The following ITIH2 variants were observed in gnomAD, a reference collection of about 807,000 sequenced individuals.
ITIH2 encodes inter-alpha-trypsin inhibitor heavy chain 2.
Under a neutral mutation model 104.4 loss-of-function variants are expected in ITIH2, and 103 were observed. The observed-to-expected ratio is 0.99, with a 90% CI of 0.84 to 1.16. ITIH2 has a LOEUF of 1.16. Among genes scored for constraint, ITIH2 ranks in the 50% most tolerant of loss-of-function variants. ITIH2 has a pLI of 0.00. For synonymous variants in ITIH2, 436 were observed against 435.4 expected (o/e 1.00, Z -0.02); for missense variants, 1,108 against 1,162.4 (o/e 0.95, Z 0.68).
chr10:7,722,052 T>G (rs528325675), intron 8 of ITIH2, among the ~76,000 whole-genome samples: 1 of 152,246 alleles, frequency 6.6e-6, no homozygotes, highest in East Asian at 1.9e-4. Flanking sequence ...ACAGGAATTT[T>G]AAATAGGCTC....
At chr10:7,738,504 G>T in intron 15 of ITIH2, 117 bp from the exon 16 acceptor site, 1 of 1,156,976 alleles carries the variant, frequency 8.6e-7, no homozygotes, top group African/African-American at 1.5e-5. Context: ...TAAAAACAGA[G>T]GAGAAAAACC....
rs1834861812 is a variant in ITIH2 at position 7,717,571 on chromosome 10, G to A, written c.468-55G>A. 8 of 1,550,424 alleles carry A rather than the reference G, an allele frequency of 5.2e-6. No individual in the cohort carries two copies. In the Admixed American group the frequency reaches 1.2e-4, roughly 23 times the overall value. On this transcript the variant is annotated intron_variant, in intron 5 of 20. Transcript: ENST00000358415. ...TACATGCCCTCTGCCTAGATTCTGG[G>A]TCTTGCTGCTCAATCATGTATCTGT...
chr10:7,717,016 C>T (rs12255319), intron 5 of ITIH2, among the ~76,000 whole-genome samples: 2,000 of 150,406 alleles, frequency 0.013, 45 homozygotes, highest in African/African-American at 0.045. Flanking sequence ...GGCGTGATCT[C>T]GGCTCAACGC....
At chr10:7,722,983 C>CGTGGAGTGGAGTGGCGTGAAGTCGG (rs1204713577) in intron 8 of ITIH2, among the ~76,000 whole-genome samples, 3 of 149,106 alleles carry the variant, frequency 2.0e-5, no homozygotes, top group Non-Finnish European at 4.5e-5. Context: ...AGTGAAGTGG[C>CGTGGAGTGGAGTGGCGTGAAGTCGG]GTGGAGTGGA....
intron 16 of ITIH2, among the ~76,000 whole-genome samples, chr10:7,739,563 A>G (rs977806593): frequency 2.6e-5 from 4 of 152,178 alleles, no homozygotes; most frequent in Non-Finnish European, 4.4e-5. Flanking sequence ...ATGTTGTAGC[A>G]GAGAAAACTT....
chr10:7,738,973 T>TA (rs1201934407), intron 16 of ITIH2, among the ~76,000 whole-genome samples: 1 of 152,168 alleles, frequency 6.6e-6, no homozygotes, highest in Non-Finnish European at 1.5e-5. Flanking sequence ...GTTCAGTCTT[T>TA]AAAAAAACCT....
At chr10:7,707,882 A>G (rs1834761901) in intron 3 of ITIH2, among the ~76,000 whole-genome samples, 3 of 152,210 alleles carry the variant, frequency 2.0e-5, no homozygotes, top group Admixed American at 2.0e-4. Flanking sequence ...GATTTAAAGT[A>G]TGACACCTGA....
chr10:7,743,378 G>A (rs180703122), intron 17 of ITIH2, 119 bp downstream of exon 17: 144 of 589,616 alleles, frequency 2.4e-4, no homozygotes, highest in African/African-American at 2.1e-3. Context: ...AGTGATATTA[G>A]TGAGAAATTA....
chr10:7,747,821 C>A (rs143687896), intron 20 of ITIH2, among the ~76,000 whole-genome samples: 15 of 152,240 alleles, frequency 9.9e-5, no homozygotes, highest in Admixed American at 2.0e-4. Context: ...ATCCGTTGAA[C>A]CCAGGAGTTC....
rs1835213481 is a variant in ITIH2, at chr10:7,749,213, A to C, written c.2720A>C (p.Asp907Ala). The change falls in exon 21 of 21, where the codon GAT (aspartate) becomes GCT (alanine). Residue 907 changes from aspartate to alanine, a missense_variant. Coordinates refer to ENST00000358415, the MANE Select transcript of ITIH2 (RefSeq NM_002216.3). Reference sequence around the variant, plus strand: ...GGCTTACAGAAAGACTACAGAACGGATCTAGTGTTTGGAACGGACGTTACC... The same window carrying C: ...GGCTTACAGAAAGACTACAGAACGGCTCTAGTGTTTGGAACGGACGTTACC... ...TRGLQKDYRT[D>A]LVFGTDVTCW... 1 of 1,614,098 alleles carries C rather than the reference A, an allele frequency of 6.2e-7. No individual in the cohort carries two copies. The highest frequency in any genetic ancestry group is 1.3e-5 in the African/African-American group (1 of 75,016).
At chr10:7,704,606 A>ATG (rs1238159628) in intron 1 of ITIH2, among the ~76,000 whole-genome samples, 4 of 152,332 alleles carry the variant, frequency 2.6e-5, no homozygotes, top group African/African-American at 7.2e-5. Context: ...TCAAAAATGA[A>ATG]TTCCCATGTC....
chr10:7,706,467 G>T (rs777647116), intron 2 of ITIH2, among the ~76,000 whole-genome samples: 3 of 152,150 alleles, frequency 2.0e-5, no homozygotes, highest in African/African-American at 7.2e-5. Context: ...CTAGCATGGT[G>T]GTTAAAAGCA....
rs776473085 is a variant in ITIH2, at chr10:7,749,183, G to A, written c.2694-4G>A. The A allele has an allele frequency of 8.7e-6, 14 of 1,613,848 alleles. No homozygotes were observed. In the African/African-American group the frequency reaches 1.9e-4, roughly 22 times the overall value. On this transcript the variant is annotated splice_polypyrimidine_tract_variant and splice_region_variant and intron_variant, in intron 20 of 20. Coordinates refer to ENST00000358415, the MANE Select transcript of ITIH2 (RefSeq NM_002216.3). ...CCCTAACCACATGCCTTGCTTCCTT[G>A]CAGGGGCTTACAGAAAGACTACAGA...
At chr10:7,748,955 GTC>G (rs977970342) in intron 20 of ITIH2, among the ~76,000 whole-genome samples, 6 of 152,056 alleles carry the variant, frequency 3.9e-5, no homozygotes, top group African/African-American at 1.2e-4. Context: ...GCCCATATAG[GTC>G]AACTCTAAGG....
At position 7,737,433 on chromosome 10, in the gene ITIH2, G is replaced by GTGTA. The variant is rs1564305376; in HGVS notation, c.1958-1187_1958-1186insGTAT. 3.2e-5 allele frequency among the ~76,000 whole-genome samples: 4 copies of GTGTA among 124,196 alleles called. No individual in the cohort carries two copies. The South Asian group carries it at 9.8e-4, about 30-fold the overall frequency. 81.5% of individuals were successfully genotyped at this position (124,196 alleles called of 152,430 possible). A position where few individuals can be genotyped will look rare whatever the true frequency, so the allele number is the denominator to read the frequency against. On this transcript the variant is annotated intron_variant, in intron 15 of 20. Coordinates refer to ENST00000358415, the MANE Select transcript of ITIH2 (RefSeq NM_002216.3). The stretch of plus-strand genomic sequence containing the variant: ...TATATATATATATATATATACACGT[G>GTGTA]TATATATATATATAACAGATAACGT...
chr10:7,726,884 C>A, intron 9 of ITIH2, 66 bp from the exon 10 acceptor site: 2 of 1,299,630 alleles, frequency 1.5e-6, no homozygotes, highest in South Asian at 1.6e-5. Context: ...AATGATTGGT[C>A]TTCCTAGTTC....
In ITIH2 at chr10:7,743,261, T is replaced by C; in HGVS notation, c.2209+2T>C. The C allele has an allele frequency of 2.0e-6, 3 of 1,469,588 alleles. No individual in the cohort carries two copies. Among genetic ancestry groups the C allele is most frequent in the Non-Finnish European group, 2.8e-6 (3 of 1,062,746 alleles). The allele number at this position is 1,469,588 out of a possible 1,614,324, so 91.0% of individuals were successfully genotyped here. On this transcript the variant is annotated splice_donor_variant, in intron 17 of 20. Transcript: ENST00000358415. LOFTEE classifies it high-confidence loss of function. ...ACCTGGTTTCTGACCCAGAATCAGG[T>C]AAAATAAAAATAAATTATATTTGCA... is the stretch of plus-strand genomic sequence containing the variant.
intron 4 of ITIH2, 96 bp downstream of exon 4, chr10:7,709,287 C>T (rs1834774963): frequency 9.0e-7 from 1 of 1,109,838 alleles, no homozygotes; most frequent in East Asian, 2.4e-5. Flanking sequence ...GTCAACTGTC[C>T]CAGAGGACCG....
At chr10:7,737,509 CTA>C (rs1353901440) in intron 15 of ITIH2, among the ~76,000 whole-genome samples, 1 of 127,652 alleles carries the variant, frequency 7.8e-6, no homozygotes, top group Non-Finnish European at 1.6e-5. Flanking sequence ...ATTTTGTATT[CTA>C]TATATTATAT....
Sources: gnomAD v4.1 joint callset for allele counts (sites outside exome capture counted in the v4.1 genomes callset) on GRCh38, gnomAD v4.1.1 for gene constraint, MANE v1.5 for transcripts, NCBI Gene and HGNC (gene_info 2026-07-23, HGNC 2026-07-21) for gene names.